ZBTB20: variants seen among roughly 807,000 people sequenced by gnomAD.
ZBTB20 encodes the protein zinc finger and BTB domain-containing protein 20.
Under a neutral mutation model 56.9 loss-of-function variants are expected in ZBTB20, and 9 were observed. The ratio of observed to expected loss-of-function variants is 0.16; its 90% CI spans 0.10 to 0.28. The LOEUF is 0.28. ZBTB20 is among the 10% of genes least tolerant of loss of function. The pLI is 1.00. For synonymous variants in ZBTB20, 417 were observed against 420.7 expected (o/e 0.99, Z 0.11); for missense variants, 655 against 1,003.0 (o/e 0.65, Z 4.69).
intron 11 of ZBTB20, 141 bp downstream of exon 11, chr3:114,350,131 GGT>G: frequency 8.3e-7 from 1 of 1,210,320 alleles, no homozygotes. Flanking sequence ...ACACAGTTGG[GGT>G]TTCTAGAAGA....
intron 6 of ZBTB20, among the ~76,000 whole-genome samples, chr3:114,600,025 T>C (rs539795925): frequency 8.4e-4 from 128 of 152,020 alleles, no homozygotes; most frequent in African/African-American, 3.1e-3. Context: ...ACCTCTAAAA[T>C]GGACAGCACC....
chr3:114,371,713 G>A (rs1293224687), intron 10 of ZBTB20, among the ~76,000 whole-genome samples: 7 of 152,162 alleles, frequency 4.6e-5, no homozygotes, highest in African/African-American at 7.2e-5. Flanking sequence ...GGGAGAAAGG[G>A]CAGGGTTCTG....
chr3:114,743,437 A>G (rs1048687210), intron 5 of ZBTB20: 2 of 153,420 alleles, frequency 1.3e-5, no homozygotes, highest in Non-Finnish European at 1.5e-5. Flanking sequence ...TGTAGTAGGA[A>G]GAAGGCCTAA....
chr3:114,607,761 T>A (rs1221487900), intron 6 of ZBTB20, among the ~76,000 whole-genome samples: 1 of 152,162 alleles, frequency 6.6e-6, no homozygotes, highest in Non-Finnish European at 1.5e-5. Context: ...TAGACTAAAC[T>A]AATGACTCAA....
At chr3:114,957,987 T>C (rs1265026538) in intron 3 of ZBTB20, among the ~76,000 whole-genome samples, 2 of 152,174 alleles carry the variant, frequency 1.3e-5, no homozygotes, top group East Asian at 1.9e-4. Context: ...ACAACATACA[T>C]TGCTATTAAT....
chr3:114,782,492 A>G (rs987939295), intron 5 of ZBTB20, among the ~76,000 whole-genome samples: 1 of 152,168 alleles, frequency 6.6e-6, no homozygotes, highest in African/African-American at 2.4e-5. Flanking sequence ...TGAGCATGAA[A>G]TATTTTTGAA....
chr3:115,126,220 A>T (rs1235118563), intron 1 of ZBTB20, among the ~76,000 whole-genome samples: 1 of 152,198 alleles, frequency 6.6e-6, no homozygotes, highest in Non-Finnish European at 1.5e-5. Flanking sequence ...GTTAAAGAGA[A>T]TATGGGTCAA....
At chr3:114,597,589 T>C (rs2056421766) in intron 6 of ZBTB20, among the ~76,000 whole-genome samples, 1 of 152,164 alleles carries the variant, frequency 6.6e-6, no homozygotes, top group Admixed American at 6.6e-5. Context: ...AAAGCGATCA[T>C]GCCAAGGCAC....
intron 6 of ZBTB20, among the ~76,000 whole-genome samples, chr3:114,550,384 GA>G (rs1168292758): frequency 2.0e-5 from 3 of 152,164 alleles, no homozygotes; most frequent in African/African-American, 7.2e-5. Flanking sequence ...GATGTGCATA[GA>G]GTATATGCAC....
At chr3:114,748,310 CT>C (rs1173075017) in intron 5 of ZBTB20, among the ~76,000 whole-genome samples, 23 of 134,936 alleles carry the variant, frequency 1.7e-4, no homozygotes, top group South Asian at 1.5e-3. Flanking sequence ...TTCTTTCTTT[CT>C]TTCTTTCTTT....
At chr3:114,485,290 T>A (rs1370192639) in intron 7 of ZBTB20, among the ~76,000 whole-genome samples, 3 of 152,252 alleles carry the variant, frequency 2.0e-5, no homozygotes, top group Non-Finnish European at 4.4e-5. Flanking sequence ...TGGATTACTG[T>A]CTAGAGTGCA....
At chr3:114,615,974 G>A (rs1253003578) in intron 6 of ZBTB20, among the ~76,000 whole-genome samples, 1 of 152,204 alleles carries the variant, frequency 6.6e-6, no homozygotes, top group Non-Finnish European at 1.5e-5. Flanking sequence ...ACACGGCCAG[G>A]AGAAATTGCT....
At chr3:114,406,668 T>C (rs2087358287) in intron 7 of ZBTB20, among the ~76,000 whole-genome samples, 1 of 152,150 alleles carries the variant, frequency 6.6e-6, no homozygotes, top group Admixed American at 6.5e-5. Context: ...CATCCTTCCT[T>C]CTAAGGTGTT....
intron 6 of ZBTB20, among the ~76,000 whole-genome samples, chr3:114,502,532 A>G (rs2044121637): frequency 1.3e-5 from 2 of 152,216 alleles, no homozygotes; most frequent in South Asian, 4.1e-4. Context: ...AATGCTTTCA[A>G]ATTGTTTCAC....
intron 5 of ZBTB20, among the ~76,000 whole-genome samples, chr3:114,774,169 A>C (rs1358673910): frequency 6.6e-6 from 1 of 152,222 alleles, no homozygotes; most frequent in Non-Finnish European, 1.5e-5. Context: ...TAAAAGGTAA[A>C]TTCTCAGCAC....
At chr3:114,378,624 A>G (rs2083943742) in intron 10 of ZBTB20, among the ~76,000 whole-genome samples, 1 of 152,232 alleles carries the variant, frequency 6.6e-6, no homozygotes, top group South Asian at 2.1e-4. Flanking sequence ...AGGCAATTCT[A>G]TGTAATCCAT....
At chr3:114,340,457 G>A (rs1284000235) in intron 11 of ZBTB20, among the ~76,000 whole-genome samples, 3 of 152,124 alleles carry the variant, frequency 2.0e-5, no homozygotes, top group African/African-American at 7.2e-5. Context: ...CCTGTTGGCG[G>A]AAACCCTTGT....
At chr3:115,044,303 C>T (rs967310673) in intron 2 of ZBTB20, among the ~76,000 whole-genome samples, 4 of 152,002 alleles carry the variant, frequency 2.6e-5, no homozygotes, top group African/African-American at 4.8e-5. Context: ...TATTTTGCAG[C>T]GAGAAAAACA....
chr3:114,516,269 C>T (rs989538595), intron 6 of ZBTB20, among the ~76,000 whole-genome samples: 3 of 152,150 alleles, frequency 2.0e-5, no homozygotes, highest in Non-Finnish European at 4.4e-5. Context: ...GCAGTCTTCC[C>T]CACATAACCC....
Sources: allele counts gnomAD v4.1 joint callset (sites outside exome capture counted in the v4.1 genomes callset), GRCh38; gene constraint gnomAD v4.1.1; transcripts MANE v1.5; gene names NCBI Gene and HGNC (gene_info 2026-07-23, HGNC 2026-07-21).